Variants in INPP5J observed in about 807,000 individuals in gnomAD.
The protein encoded by INPP5J is phosphatidylinositol 4,5-bisphosphate 5-phosphatase A.
Under a neutral mutation model 86.6 loss-of-function variants are expected in INPP5J, and 75 were observed. That is an observed-to-expected ratio of 0.87 (90% CI 0.72 to 1.05). The LOEUF is 1.05. INPP5J is among the 50% of genes least tolerant of loss of function. INPP5J has a pLI of 0.00. For missense variants in INPP5J, 1,229 were observed against 1,341.2 expected (o/e 0.92, Z 1.31); for synonymous variants, 540 against 550.0 (o/e 0.98, Z 0.25).
chr22:31,125,891 G>A lies in INPP5J; in HGVS notation c.1152G>A (p.Leu384=). 6.2e-7 allele frequency: 1 copy of A among 1,611,266 alleles called. No homozygotes were observed. ...AGAGTACAGGGCCTGGCAGGTGCCTGAGCCCCAACCTTCAGGCCCAAGAAG... is the reference window on the plus strand; with the variant it reads ...AGAGTACAGGGCCTGGCAGGTGCCTAAGCCCCAACCTTCAGGCCCAAGAAG... ...GTQSTGPGRC[L]SPNLQAQEAP... The change falls in exon 2 of 13, where the codon CTG becomes CTA. Residue 384 remains leucine (L), a synonymous_variant. Transcript: ENST00000331075.
chr22:31,127,907 C>A, intron 6 of INPP5J, 44 bp from the exon 7 acceptor site: 2 of 1,094,356 alleles, frequency 1.8e-6, no homozygotes, highest in Admixed American at 1.8e-5. Flanking sequence ...CTGTTGACAC[C>A]CCCCACTGCC....
chr22:31,127,668 C>A (rs1009265961), intron 6 of INPP5J, 136 bp downstream of exon 6: 1 of 943,858 alleles, frequency 1.1e-6, no homozygotes, highest in East Asian at 2.7e-5. Context: ...TGTAGGAACA[C>A]GAAAGCAGAG....
In INPP5J at chr22:31,126,370, C is replaced by G; in HGVS notation, c.1272-6C>G. 6.2e-7 allele frequency: 1 copy of G among 1,608,702 alleles called. No individual in the cohort carries two copies. Among genetic ancestry groups the G allele is most frequent in the Non-Finnish European group, 8.5e-7 (1 of 1,175,602 alleles). ...GGACTACACCCTCATATGCCCCTGC[C>G]CTCAGGATCACTGTGGTCACATGGA... On this transcript the variant is annotated splice_polypyrimidine_tract_variant and splice_region_variant and intron_variant, in intron 2 of 12. Transcript: ENST00000331075.
At position 31,134,038 on chromosome 22, in the gene INPP5J, G is replaced by T. The variant is rs1251996464; in HGVS notation, c.2640G>T (p.Lys880Asn). ...APKSRSPSPGKSKRHRSRSPG... is the reference protein window; with the variant it reads ...APKSRSPSPGNSKRHRSRSPG... The stretch of plus-strand genomic sequence containing the variant: ...AGTCCCGCAGCCCCAGTCCTGGCAA[G>T]TCCAAGCGACACCGCAGCCGCAGCC... Residue 880 changes from lysine (K) to asparagine (N), a missense_variant, in exon 13 of 13, where the codon AAG (lysine) becomes AAT (asparagine). Lys to Asn is a moderately conservative substitution (Grantham distance 94). Coordinates refer to ENST00000331075, the MANE Select transcript of INPP5J (RefSeq NM_001284285.2). 3 of 1,602,420 alleles carry T rather than the reference G, an allele frequency of 1.9e-6. No homozygotes were observed. The highest frequency in any genetic ancestry group is 2.6e-6 in the Non-Finnish European group (3 of 1,175,548).
In INPP5J at chr22:31,127,282, C is replaced by T. The variant is rs867235827; in HGVS notation, c.1612-75C>T. The stretch of plus-strand genomic sequence containing the variant: ...CACCCACCTTCCACCCACATCTCCT[C>T]TCTAACCCCCGCTCCCAGTGCCTCA... On this transcript the variant is annotated intron_variant, in intron 5 of 12. Coordinates refer to ENST00000331075, the MANE Select transcript of INPP5J (RefSeq NM_001284285.2). The T allele has an allele frequency of 6.4e-6, 9 of 1,403,788 alleles. No individual in the cohort carries two copies. The South Asian group carries it at 1.1e-4, about 17-fold the overall frequency. The allele number at this position is 1,403,788 out of a possible 1,614,324, so 87.0% of individuals were successfully genotyped here.
At chr22:31,124,075 G>A (rs1024049464) in intron 1 of INPP5J, 2 of 157,294 alleles carry the variant, frequency 1.3e-5, no homozygotes, top group African/African-American at 4.8e-5. Context: ...TGCAGACAAT[G>A]GGAGATGAAG....
Position 31,126,038 on chromosome 22 carries a change from G to A in INPP5J, c.1271+28G>A, listed in dbSNP as rs753689648. ...GAGGGGGCCCTCTCCCAAGAAAGGT[G>A]GCTGGGGCTTAGCTCTGAGGTTAGC... On this transcript the variant is annotated intron_variant, in intron 2 of 12. Coordinates refer to ENST00000331075, the MANE Select transcript of INPP5J (RefSeq NM_001284285.2). 7 of 1,530,108 alleles carry A rather than the reference G, an allele frequency of 4.6e-6. No individual in the cohort carries two copies. In the East Asian group the frequency reaches 1.6e-4, roughly 35 times the overall value. The allele number at this position is 1,530,108 out of a possible 1,614,324, so 94.8% of individuals were successfully genotyped here. A position where few individuals can be genotyped will look rare whatever the true frequency, so the allele number is the denominator to read the frequency against.
intron 5 of INPP5J, 80 bp from the exon 6 acceptor site, chr22:31,127,277 C>A: frequency 7.4e-7 from 1 of 1,346,906 alleles, no homozygotes; most frequent in Non-Finnish European, 1.0e-6. Flanking sequence ...CCACCCACAT[C>A]TCCTCTCTAA....
rs999049894 is a variant in INPP5J, at chr22:31,128,238, C to T, written c.1924C>T (p.Pro642Ser). 6 of 1,597,924 alleles carry T rather than the reference C, an allele frequency of 3.8e-6. No homozygotes were observed. The African/African-American group carries it at 8.0e-5, about 21-fold the overall frequency. The stretch of plus-strand genomic sequence containing the variant: ...GCTCAACATGGCCAAGAACACCTGG[C>T]CCATTCTGAAGGGCTTTCAGGAGGG... ...DQLNMAKNTW[P>S]ILKGFQEGPL... The change falls in exon 8 of 13, where the codon CCC becomes TCC. Residue 642 changes from proline to serine, a missense_variant. Coordinates refer to ENST00000331075, the MANE Select transcript of INPP5J (RefSeq NM_001284285.2).
chr22:31,127,967 G>A lies in INPP5J; in HGVS notation c.1804G>A (p.Gly602Arg), dbSNP rs754189975. ...ILDHDLVFWF[G>R]DLNFRIESYD... ...CCCAAACAGCCTCGTGTTCTGGTTC[G>A]GGGACCTGAACTTCCGCATTGAGAG... Residue 602 changes from glycine to arginine, a missense_variant, in exon 7 of 13, where the codon GGG (glycine) becomes AGG (arginine). Gly to Arg is a moderately radical substitution (Grantham distance 125). Transcript: ENST00000331075. 59 of 1,605,046 alleles carry A rather than the reference G, an allele frequency of 3.7e-5. 1 individual carries two copies. In the South Asian group the frequency reaches 5.3e-4, roughly 14 times the overall value.
chr22:31,133,272 A>G, intron 10 of INPP5J, 37 bp downstream of exon 10: 1 of 1,604,160 alleles, frequency 6.2e-7, no homozygotes, highest in South Asian at 1.1e-5. Flanking sequence ...CTCAGGGAAG[A>G]AAGGGGCCTG....
intron 3 of INPP5J, 27 bp downstream of exon 3, chr22:31,126,516 C>G: frequency 8.1e-6 from 13 of 1,608,462 alleles, no homozygotes; most frequent in Non-Finnish European, 1.1e-5. Flanking sequence ...TGTGGACCCC[C>G]TCCTGAGCCC....
In INPP5J at chr22:31,127,093, G is replaced by A. The variant is rs552001831; in HGVS notation, c.1611+56G>A. On this transcript the variant is annotated intron_variant, in intron 5 of 12. Transcript: ENST00000331075. Reference sequence around the variant, plus strand: ...GGGACATGAAGGGGGCTTTAGATTAGTCCCCCCGCCCCATGCACAGCAAGG... The same window carrying A: ...GGGACATGAAGGGGGCTTTAGATTAATCCCCCCGCCCCATGCACAGCAAGG... 3.3e-6 allele frequency: 4 copies of A among 1,224,332 alleles called. No individual in the cohort carries two copies. In the South Asian group the frequency reaches 3.9e-5, roughly 12 times the overall value. 75.8% of individuals were successfully genotyped at this position (1,224,332 alleles called of 1,614,324 possible).
At chr22:31,124,278 A>T in intron 1 of INPP5J, 2 of 986,866 alleles carry the variant, frequency 2.0e-6, no homozygotes, top group Non-Finnish European at 2.4e-6. Context: ...GAGAACAGAG[A>T]GGGCTGTAAC....
intron 5 of INPP5J, 125 bp downstream of exon 5, chr22:31,127,162 C>A: frequency 1.2e-6 from 1 of 814,340 alleles, no homozygotes; most frequent in Non-Finnish European, 2.0e-6. Flanking sequence ...CCCAGCCCCC[C>A]CATGCACCAC....
intron 2 of INPP5J, 116 bp downstream of exon 2, chr22:31,126,126 G>A (rs1921394012): frequency 9.0e-7 from 1 of 1,112,132 alleles, no homozygotes; most frequent in Non-Finnish European, 1.2e-6. Context: ...GAGTCTTTGG[G>A]GAGGGGGTTG....
intron 2 of INPP5J, 134 bp downstream of exon 2, chr22:31,126,144 C>G: frequency 2.2e-6 from 2 of 927,788 alleles, no homozygotes; most frequent in Admixed American, 5.8e-5. Flanking sequence ...TTGCTGGGCC[C>G]ACTCTGTGAC....
At position 31,128,265 on chromosome 22, in the gene INPP5J, C is replaced by T. The variant is rs764565135; in HGVS notation, c.1951C>T (p.Pro651Ser). Reference protein sequence around the residue: ...WPILKGFQEGPLNFAPTFKFD... With the variant: ...WPILKGFQEGSLNFAPTFKFD... ...CATTCTGAAGGGCTTTCAGGAGGGG[C>T]CCCTCAACTTCGCTCCCACCTTCAA... The change falls in exon 8 of 13, where the codon CCC becomes TCC. Residue 651 changes from proline (P) to serine (S), a missense_variant. Coordinates refer to ENST00000331075, the MANE Select transcript of INPP5J (RefSeq NM_001284285.2). The T allele has an allele frequency of 1.9e-6, 3 of 1,601,852 alleles. No homozygotes were observed. The highest frequency in any genetic ancestry group is 1.7e-4 in the Middle Eastern group (1 of 6,056).
chr22:31,124,406 G>C, intron 1 of INPP5J: 2 of 773,976 alleles, frequency 2.6e-6, no homozygotes, highest in Non-Finnish European at 3.2e-6. Context: ...AATAGAAAAA[G>C]AAAAGAAACA....
Sources: gnomAD v4.1 joint callset for allele counts on GRCh38, gnomAD v4.1.1 for gene constraint, MANE v1.5 for transcripts, NCBI Gene and HGNC (gene_info 2026-07-23, HGNC 2026-07-21) for gene names.